The following TMEM217 variants were observed in gnomAD, a reference collection of about 807,000 sequenced individuals.
The protein encoded by TMEM217 is chromosome 6 open reading frame 128.
For synonymous variants in TMEM217, 76 were observed against 88.3 expected, an observed-to-expected ratio of 0.86 and a Z score of 0.78; for missense variants, 204 against 248.8, an observed-to-expected ratio of 0.82 and a Z score of 1.21.
At chr6:37,226,922 C>A (rs1376213335) in intron 1 of TMEM217, among the ~76,000 whole-genome samples, 3 of 152,154 alleles carry the variant, frequency 2.0e-5, no homozygotes, top group Non-Finnish European at 4.4e-5. Flanking sequence ...TGTCTTATGA[C>A]ATATTTTATT....
chr6:37,241,509 G>A (rs9918399), intron 1 of TMEM217, among the ~76,000 whole-genome samples: 10,305 of 152,066 alleles, frequency 0.068, 1,138 homozygotes, highest in African/African-American at 0.23. Flanking sequence ...ACTCATGTGC[G>A]GCTAGAAGCA....
At chr6:37,213,233 C>G (rs1362114126), downstream of TMEM217, among the ~76,000 whole-genome samples, 1 of 152,210 alleles carries the variant, frequency 6.6e-6, no homozygotes, top group Non-Finnish European at 1.5e-5. Flanking sequence ...AAGTAGCTTC[C>G]AATTCTGCTG....
chr6:37,241,475 C>T (rs930468739), intron 1 of TMEM217, among the ~76,000 whole-genome samples: 1 of 152,128 alleles, frequency 6.6e-6, no homozygotes, highest in Admixed American at 6.6e-5. Flanking sequence ...CTTCCCTCCT[C>T]CAACCTCAGT....
chr6:37,239,625 C>T (rs1764662186), intron 1 of TMEM217, among the ~76,000 whole-genome samples: 1 of 152,036 alleles, frequency 6.6e-6, no homozygotes, highest in Admixed American at 6.6e-5. Context: ...CTTAGATTTA[C>T]TCAATCATGG....
chr6:37,244,041 T>A (rs993620494), intron 1 of TMEM217, among the ~76,000 whole-genome samples: 1 of 152,254 alleles, frequency 6.6e-6, no homozygotes, highest in Non-Finnish European at 1.5e-5. Flanking sequence ...ACAAATTTTG[T>A]GACCTCTGGA....
chr6:37,245,527 T>C (rs182164203), intron 1 of TMEM217, among the ~76,000 whole-genome samples: 5 of 152,284 alleles, frequency 3.3e-5, no homozygotes, highest in Non-Finnish European at 5.9e-5. Flanking sequence ...CACAGGAAGG[T>C]TGGGAAAATA....
chr6:37,212,371 G>A (rs535601694), exon 4 of TMEM217: 133 of 375,040 alleles, frequency 3.5e-4, no homozygotes, highest in Non-Finnish European at 6.2e-4. Context: ...TTCCATTGTT[G>A]AGGAACACCA....
chr6:37,232,196 G>T (rs1562012537), intron 1 of TMEM217, among the ~76,000 whole-genome samples: 1 of 152,134 alleles, frequency 6.6e-6, no homozygotes, highest in Non-Finnish European at 1.5e-5. Context: ...CCAAAAAATA[G>T]AATTTTCCCA....
chr6:37,252,501 T>C (rs182714404), intron 1 of TMEM217, among the ~76,000 whole-genome samples: 16 of 151,724 alleles, frequency 1.1e-4, no homozygotes, highest in Admixed American at 5.9e-4. Context: ...CATGTATGCA[T>C]ATATATATGC....
chr6:37,250,949 C>T (rs867584451), intron 1 of TMEM217, among the ~76,000 whole-genome samples: 30 of 152,136 alleles, frequency 2.0e-4, no homozygotes, highest in East Asian at 3.9e-4. Flanking sequence ...TGGTATTACG[C>T]GGTAAGGTAT....
intron 1 of TMEM217, among the ~76,000 whole-genome samples, chr6:37,240,914 G>T (rs1375918630): frequency 6.6e-6 from 1 of 151,972 alleles, no homozygotes; most frequent in African/African-American, 2.4e-5. Flanking sequence ...TAACCTAGTA[G>T]TAGGTGAAAA....
chr6:37,254,634 A>G (rs530350339), intron 1 of TMEM217, among the ~76,000 whole-genome samples: 232 of 152,374 alleles, frequency 1.5e-3, no homozygotes, highest in African/African-American at 5.3e-3. Flanking sequence ...AAATATGTGA[A>G]CAACATAGAA....
Position 37,219,047 on chromosome 6 carries a change from A to G in TMEM217, c.-11-6T>C. The G allele has an allele frequency of 3.1e-6, 5 of 1,605,204 alleles. No homozygotes were observed. Among genetic ancestry groups the G allele is most frequent in the Non-Finnish European group, 3.4e-6 (4 of 1,173,930 alleles). On this transcript the variant is annotated splice_polypyrimidine_tract_variant and splice_region_variant and intron_variant, in intron 1 of 1. Transcript: ENST00000357219. Reference sequence around the variant, plus strand: ...CTGTTTCATGCTGAGACCTCCTGTGAAGACAAACAACATGAGGGAGAATTC... The same window carrying G: ...CTGTTTCATGCTGAGACCTCCTGTGGAGACAAACAACATGAGGGAGAATTC...
intron 1 of TMEM217, among the ~76,000 whole-genome samples, chr6:37,256,608 G>A (rs1765748477): frequency 6.6e-6 from 1 of 152,166 alleles, no homozygotes; most frequent in Non-Finnish European, 1.5e-5. Context: ...GACAAAAGAA[G>A]CTTGAAAATG....
In TMEM217 at chr6:37,234,360, A is replaced by G. The variant is rs188434833; in HGVS notation, c.-11-15319T>C. Reference sequence around the variant, plus strand: ...GATGATCCTCCTGCCTTGGCCTCCCAAAGTGCTGAAACTACAGGCGTGAGC... The same window carrying G: ...GATGATCCTCCTGCCTTGGCCTCCCGAAGTGCTGAAACTACAGGCGTGAGC... On this transcript the variant is annotated intron_variant, in intron 1 of 1. Transcript: ENST00000357219. Among the ~76,000 whole-genome samples the G allele has an allele frequency of 3.8e-3, 582 of 152,320 alleles. 2 individuals are homozygous for G. Among genetic ancestry groups the G allele is most frequent in the Non-Finnish European group, 5.6e-3 (380 of 68,024 alleles).
chr6:37,213,556 T>C (rs367779211), downstream of TMEM217, among the ~76,000 whole-genome samples: 1 of 152,246 alleles, frequency 6.6e-6, no homozygotes, highest in Non-Finnish European at 1.5e-5. Flanking sequence ...TAAAGGTTTA[T>C]GGATCCAGGC....
chr6:37,222,485 G>A (rs1371702526), intron 1 of TMEM217, among the ~76,000 whole-genome samples: 1 of 152,176 alleles, frequency 6.6e-6, no homozygotes, highest in African/African-American at 2.4e-5. Context: ...AGAGACGCCC[G>A]GGTCCTGCAC....
chr6:37,217,011 T>C (rs1022358983), downstream of TMEM217, among the ~76,000 whole-genome samples: 1 of 152,162 alleles, frequency 6.6e-6, no homozygotes, highest in Non-Finnish European at 1.5e-5. Context: ...TCAGTTATTA[T>C]AGCAGCAGTG....
intron 1 of TMEM217, among the ~76,000 whole-genome samples, chr6:37,229,532 CG>C (rs1323087713): frequency 6.6e-6 from 1 of 151,706 alleles, no homozygotes; most frequent in African/African-American, 2.4e-5. Flanking sequence ...TTAGTAGAAA[CG>C]GGGTTTCACC....
Sources: gnomAD v4.1 joint callset for allele counts (sites outside exome capture counted in the v4.1 genomes callset) on GRCh38, gnomAD v4.1.1 for gene constraint, MANE v1.5 for transcripts, NCBI Gene and HGNC (gene_info 2026-07-23, HGNC 2026-07-21) for gene names.